Variants in ZDHHC7 observed in about 807,000 individuals in gnomAD.
ZDHHC7 encodes the protein palmitoyltransferase ZDHHC7.
ZDHHC7 carries 12 observed loss-of-function variants against 34.1 expected under a neutral mutation model. The ratio of observed to expected loss-of-function variants is 0.35; its 90% CI spans 0.23 to 0.57. The LOEUF is 0.57. ZDHHC7 is among the 20% of genes least tolerant of loss of function. The probability of loss-of-function intolerance (pLI) is 0.84; values close to 1 mark genes in which losing one functional copy is unlikely to be tolerated. For synonymous variants in ZDHHC7, 185 were observed against 155.4 expected, an observed-to-expected ratio of 1.19 and a Z score of -1.42; for missense variants, 388 against 402.7, an observed-to-expected ratio of 0.96 and a Z score of 0.31.
At chr16:85,014,706 C>G (rs2072827128), upstream of ZDHHC7, among the ~76,000 whole-genome samples, 2 of 152,158 alleles carry the variant, frequency 1.3e-5, no homozygotes. Context: ...AAGAGACAAA[C>G]TCTGTGAAAT....
chr16:84,993,369 C>T (rs2072534870), intron 2 of ZDHHC7, among the ~76,000 whole-genome samples: 1 of 152,126 alleles, frequency 6.6e-6, no homozygotes, highest in East Asian at 1.9e-4. Context: ...TGGTGGCTTA[C>T]ACCTGTAATC....
At chr16:84,993,799 C>A (rs1388102833) in intron 2 of ZDHHC7, among the ~76,000 whole-genome samples, 3 of 152,232 alleles carry the variant, frequency 2.0e-5, no homozygotes, top group Admixed American at 1.3e-4. Context: ...TGCTCAACAT[C>A]CCCTGCAAAC....
rs60226788 is a variant in ZDHHC7, at chr16:84,975,449, CA to C, written c.*893del. On this transcript the variant is annotated 3_prime_UTR_variant, in exon 8 of 8. Transcript: ENST00000313732. ...TTATACACTGCTAATTTGGCTGGAA[CA>C]AAAAAAAAAAATCAGTTCCAAGGCC... 7.5e-4 allele frequency: 107 copies of C among 142,508 alleles called. No individual in the cohort carries two copies. Among genetic ancestry groups the C allele is most frequent in the Middle Eastern group, 3.6e-3 (1 of 278 alleles). The allele number at this position is 142,508 out of a possible 1,614,324, so 8.8% of individuals were successfully genotyped here.
At chr16:85,004,020 C>T (rs942645348) in intron 1 of ZDHHC7, among the ~76,000 whole-genome samples, 7 of 152,166 alleles carry the variant, frequency 4.6e-5, no homozygotes, top group Admixed American at 2.0e-4. Flanking sequence ...CTCAGTTTCA[C>T]GAAGTTTAAA....
chr16:85,024,236 T>TG, the ZDHHC7 span, among the ~76,000 whole-genome samples: 876 of 148,266 alleles, frequency 5.9e-3, 13 homozygotes, highest in African/African-American at 0.021. Context: ...TTTTGTTTTT[T>TG]TTTTTTTTTT....
At position 84,975,353 on chromosome 16, in the gene ZDHHC7, C is replaced by CCACA. The variant is rs1057325894; in HGVS notation, c.*986_*989dup. On this transcript the variant is annotated 3_prime_UTR_variant, in exon 8 of 8. Coordinates refer to ENST00000313732, the MANE Select transcript of ZDHHC7 (RefSeq NM_017740.3). ...CTCCAGTAAGGATGCCTCCCCTGCC[C>CCACA]CACACACAGCATCGGGCTGCCCCAA... 1.3e-5 allele frequency: 2 copies of CCACA among 152,456 alleles called. No individual in the cohort carries two copies. Among genetic ancestry groups the CCACA allele is most frequent in the African/African-American group, 4.8e-5 (2 of 41,470 alleles). The allele number at this position is 152,456 out of a possible 1,614,324, so 9.4% of individuals were successfully genotyped here.
At chr16:85,005,072 T>G (rs1042213151) in intron 1 of ZDHHC7, 2 of 152,116 alleles carry the variant, frequency 1.3e-5, no homozygotes, top group Non-Finnish European at 2.9e-5. Flanking sequence ...ACTTTGACAG[T>G]CAAATGGAGC....
At chr16:84,988,869 T>G in intron 3 of ZDHHC7, 1 of 1,551,644 alleles carries the variant, frequency 6.4e-7, no homozygotes, top group Non-Finnish European at 8.7e-7. Context: ...GTCACTGGAT[T>G]TTTCCTACAA....
chr16:85,014,744 T>A (rs2072827281), upstream of ZDHHC7, among the ~76,000 whole-genome samples: 3 of 152,180 alleles, frequency 2.0e-5, no homozygotes, highest in South Asian at 6.2e-4. Flanking sequence ...CTGATCCACA[T>A]ATGAGTGACC....
chr16:85,001,684 G>A (rs1443394369), intron 1 of ZDHHC7, among the ~76,000 whole-genome samples: 2 of 152,054 alleles, frequency 1.3e-5, no homozygotes, highest in Non-Finnish European at 1.5e-5. Context: ...CAGCTGAGAC[G>A]GCCTAGAAGC....
intron 1 of ZDHHC7, among the ~76,000 whole-genome samples, chr16:85,006,091 T>G (rs914761728): frequency 3.9e-5 from 6 of 152,046 alleles, no homozygotes; most frequent in Admixed American, 2.0e-4. Context: ...AGGCCAGAGG[T>G]GGCGGCTCAC....
At position 84,976,309 on chromosome 16, in the gene ZDHHC7, T is replaced by C; in HGVS notation, c.*34A>G. The C allele has an allele frequency of 6.2e-7, 1 of 1,608,682 alleles. No individual in the cohort carries two copies. The highest frequency in any genetic ancestry group is 8.5e-7 in the Non-Finnish European group (1 of 1,178,816). On this transcript the variant is annotated 3_prime_UTR_variant, in exon 8 of 8. Transcript: ENST00000313732. ...CAGACCCCAAATAAATAACTGGAAG[T>C]CTGTGAGCAAGTTTCAGTCTGATGA...
At chr16:84,977,300 T>G in intron 6 of ZDHHC7, 75 bp from the exon 7 acceptor site, 1 of 1,574,466 alleles carries the variant, frequency 6.4e-7, no homozygotes, top group Non-Finnish European at 8.6e-7. Flanking sequence ...CAGAGAAGAA[T>G]CCTCTAGGGC....
intron 1 of ZDHHC7, among the ~76,000 whole-genome samples, chr16:85,003,603 G>GA (rs372282885): frequency 1.1e-3 from 168 of 149,184 alleles, no homozygotes; most frequent in African/African-American, 3.0e-3. Context: ...TACTTTTAAG[G>GA]AAAAAAAAAA....
chr16:85,007,314 T>G (rs2072730596), intron 1 of ZDHHC7, among the ~76,000 whole-genome samples: 1 of 150,164 alleles, frequency 6.7e-6, no homozygotes, highest in Non-Finnish European at 1.5e-5. Context: ...TCCCAGCTAC[T>G]CGGGAGGCTG....
chr16:84,981,747 A>C, intron 4 of ZDHHC7, 123 bp downstream of exon 4: 51 of 1,520,248 alleles, frequency 3.4e-5, no homozygotes, highest in Non-Finnish European at 4.1e-5. Context: ...CCCCGCCCGT[A>C]CAACGTTGCC....
intron 3 of ZDHHC7, among the ~76,000 whole-genome samples, chr16:84,985,317 G>C (rs1056173835): frequency 2.0e-5 from 3 of 152,240 alleles, no homozygotes; most frequent in South Asian, 2.1e-4. Flanking sequence ...GTTAGGCTTC[G>C]CAGAGCATGC....
rs1468028116 is a variant in ZDHHC7, at chr16:84,990,348, C to T, written c.271G>A (p.Val91Met). 2.5e-6 allele frequency: 4 copies of T among 1,613,946 alleles called. No homozygotes were observed. Among genetic ancestry groups the T allele is most frequent in the African/African-American group, 1.3e-5 (1 of 74,884 alleles). Residue 91 changes from valine to methionine, a missense_variant, in exon 3 of 8, where the codon GTG (valine) becomes ATG (methionine). Physicochemically the swap from Val to Met is conservative, Grantham distance 21. Transcript: ENST00000313732. Reference protein sequence around the residue: ...VNGVIFNCLAVLALSSHLRTM... With the variant: ...VNGVIFNCLAMLALSSHLRTM... The stretch of plus-strand genomic sequence containing the variant: ...CTCAGGTGGGATGACAGGGCAAGCA[C>T]GGCCAAGCAGTTAAAGATGACCCCG...
intron 1 of ZDHHC7, among the ~76,000 whole-genome samples, chr16:85,006,827 C>A (rs539070219): frequency 1.3e-5 from 2 of 152,156 alleles, no homozygotes; most frequent in African/African-American, 4.8e-5. Flanking sequence ...GCTCTCCCAA[C>A]CTTTCCAGGC....
Sources: gnomAD v4.1 joint callset for allele counts (sites outside exome capture counted in the v4.1 genomes callset) on GRCh38, gnomAD v4.1.1 for gene constraint, MANE v1.5 for transcripts, NCBI Gene and HGNC (gene_info 2026-07-23, HGNC 2026-07-21) for gene names.